Variants in GLYR1 observed in about 807,000 individuals in gnomAD.
GLYR1 encodes cytokine-like nuclear factor N-PAC.
A neutral mutation model predicts 72.7 loss-of-function variants in GLYR1; 21 were observed. The observed-to-expected ratio is 0.29, with a 90% CI of 0.20 to 0.42. The LOEUF is 0.42. Among genes scored for constraint, GLYR1 ranks in the 10% least tolerant of loss-of-function variants. The pLI, the probability that GLYR1 is intolerant of heterozygous loss-of-function variation, is 1.00. For synonymous variants in GLYR1, 392 were observed against 270.2 expected (o/e 1.45, Z -4.42); for missense variants, 594 against 712.1 (o/e 0.83, Z 1.89).
chr16:4,817,735 G>T, intron 9 of GLYR1, 38 bp from the exon 10 acceptor site: 1 of 1,272,592 alleles, frequency 7.9e-7, no homozygotes, highest in Non-Finnish European at 1.2e-6. Flanking sequence ...AGGGTGGAAA[G>T]GGAGGGTCAC....
At chr16:4,831,861 C>T in intron 5 of GLYR1, 118 bp downstream of exon 5, 1 of 1,407,570 alleles carries the variant, frequency 7.1e-7, no homozygotes, top group Non-Finnish European at 9.5e-7. Flanking sequence ...CAGAATTCTG[C>T]TCCCACTCCA....
chr16:4,805,408 G>T lies in GLYR1; in HGVS notation c.1588-98C>A, dbSNP rs1596290831. ...CAGTGGTGGATGTGGCCAGCAGGCA[G>T]TGCTGGAGCCCAGGCTGTCCGGTTA... On this transcript the variant is annotated intron_variant, in intron 15 of 15. Coordinates refer to ENST00000321919, the MANE Select transcript of GLYR1 (RefSeq NM_032569.4). 7 of 989,358 alleles carry T rather than the reference G, an allele frequency of 7.1e-6. No individual in the cohort carries two copies. The East Asian group carries it at 1.5e-4, about 21-fold the overall frequency. 61.3% of individuals were successfully genotyped at this position (989,358 alleles called of 1,614,324 possible).
chr16:4,846,200 C>T lies in GLYR1; in HGVS notation c.49G>A (p.Gly17Ser). The T allele has an allele frequency of 1.2e-6, 2 of 1,613,904 alleles. No homozygotes were observed. Among genetic ancestry groups the T allele is most frequent in the Non-Finnish European group, 1.7e-6 (2 of 1,179,882 alleles). ...TTTCCTGGCCAAGGAGGATATCGGC[C>T]GAGTTTCCCCCTAGAGAAAACACAA... The part of the protein sequence containing the change: ...RLGDLVWGKL[G>S]RYPPWPGKIV... The change falls in exon 2 of 16, where the codon GGC (glycine) becomes AGC (serine). Residue 17 changes from glycine to serine, a missense_variant. Physicochemically the swap from Gly to Ser is moderately conservative, Grantham distance 56 (BLOSUM62 0). This residue lies in a region of GLYR1 where 62 missense variants were observed against 82.5 expected (regional missense o/e 0.75). Coordinates refer to ENST00000321919, the MANE Select transcript of GLYR1 (RefSeq NM_032569.4).
At chr16:4,845,290 A>G in intron 2 of GLYR1, 137 bp from the exon 3 acceptor site, 1 of 626,332 alleles carries the variant, frequency 1.6e-6, no homozygotes, top group South Asian at 1.9e-5. Flanking sequence ...AAATTTATTT[A>G]TATACAAAAC....
At chr16:4,832,619 A>G in intron 4 of GLYR1, 155 bp downstream of exon 4, 1 of 932,986 alleles carries the variant, frequency 1.1e-6, no homozygotes, top group Non-Finnish European at 1.6e-6. Context: ...TTTCAAACTG[A>G]TAAGCAAAAC....
At position 4,832,273 on chromosome 16, in the gene GLYR1, T is replaced by C. The variant is rs1018447936; in HGVS notation, c.295-52A>G. On this transcript the variant is annotated intron_variant, in intron 4 of 15. Transcript: ENST00000321919. Reference sequence around the variant, plus strand: ...ACTACCACCACAGCTGCTGCCGCCATCGCCACCATCATTTACAGGTGCCAT... The same window carrying C: ...ACTACCACCACAGCTGCTGCCGCCACCGCCACCATCATTTACAGGTGCCAT... The C allele has an allele frequency of 2.5e-6, 4 of 1,600,012 alleles. No homozygotes were observed. In the African/African-American group the frequency reaches 5.4e-5, roughly 21 times the overall value.
At chr16:4,820,008 AT>A (rs781191692) in intron 9 of GLYR1, among the ~76,000 whole-genome samples, 128 of 152,012 alleles carry the variant, frequency 8.4e-4, no homozygotes, top group Non-Finnish European at 1.6e-3. Flanking sequence ...AAGCTTCTGG[AT>A]TTTTTTGAGA....
At chr16:4,807,588 T>G (rs955201465) in intron 15 of GLYR1, among the ~76,000 whole-genome samples, 3 of 152,286 alleles carry the variant, frequency 2.0e-5, no homozygotes, top group South Asian at 2.1e-4. Flanking sequence ...CCTAACAGTA[T>G]AGAGTCTAAG....
intron 2 of GLYR1, 146 bp downstream of exon 2, chr16:4,846,028 A>G: frequency 6.3e-6 from 5 of 793,500 alleles, no homozygotes; most frequent in Non-Finnish European, 1.1e-5. Context: ...TTAAAAAATA[A>G]CCGATACTAG....
chr16:4,840,568 G>T (rs545401860), intron 3 of GLYR1, among the ~76,000 whole-genome samples: 1 of 152,146 alleles, frequency 6.6e-6, no homozygotes, highest in South Asian at 2.1e-4. Context: ...CTCCCATAGG[G>T]AGAGTCTCCA....
rs535328328 is a variant in GLYR1 at position 4,847,086 on chromosome 16, C to A, written c.38+142G>T. 8.9e-6 allele frequency: 7 copies of A among 785,848 alleles called. No homozygotes were observed. In the African/African-American group the frequency reaches 1.2e-4, roughly 14 times the overall value. The allele number at this position is 785,848 out of a possible 1,614,324, so 48.7% of individuals were successfully genotyped here. ...GGACTGCCCCTTCCGCCTGGCGCCG[C>A]TCGCAAGCGCCGGCACCTTCTCTTC... On this transcript the variant is annotated intron_variant, in intron 1 of 15. Coordinates refer to ENST00000321919, the MANE Select transcript of GLYR1 (RefSeq NM_032569.4).
intron 3 of GLYR1, among the ~76,000 whole-genome samples, chr16:4,841,790 CCT>C (rs1170726231): frequency 4.6e-5 from 7 of 152,180 alleles, no homozygotes; most frequent in African/African-American, 1.4e-4. Context: ...AACCATATTG[CCT>C]CTGTTATTCC....
intron 3 of GLYR1, among the ~76,000 whole-genome samples, chr16:4,834,860 C>T (rs1360781110): frequency 2.0e-5 from 3 of 152,152 alleles, no homozygotes; most frequent in Non-Finnish European, 4.4e-5. Context: ...ATTTCGACCC[C>T]AGATTTTCTG....
chr16:4,818,920 A>G (rs1057175925), intron 9 of GLYR1, among the ~76,000 whole-genome samples: 4 of 151,732 alleles, frequency 2.6e-5, no homozygotes, highest in African/African-American at 9.7e-5. Context: ...TGACAGAAGC[A>G]CTCATTGGCC....
chr16:4,845,506 G>A (rs890514662), intron 2 of GLYR1, among the ~76,000 whole-genome samples: 2 of 148,192 alleles, frequency 1.3e-5, no homozygotes, highest in African/African-American at 5.0e-5. Flanking sequence ...CCCCACCCCT[G>A]CTCCAATGTG....
chr16:4,842,183 G>A (rs965749565), intron 3 of GLYR1, among the ~76,000 whole-genome samples: 2 of 151,372 alleles, frequency 1.3e-5, no homozygotes, highest in African/African-American at 4.9e-5. Flanking sequence ...GGTGGAGCTT[G>A]TAGTGAGCCA....
chr16:4,827,097 C>A (rs2084429058), intron 5 of GLYR1, among the ~76,000 whole-genome samples: 1 of 152,238 alleles, frequency 6.6e-6, no homozygotes, highest in Non-Finnish European at 1.5e-5. Context: ...GGTCCAGACG[C>A]AAACCCAGCC....
At chr16:4,844,427 T>C (rs2085808525) in intron 3 of GLYR1, among the ~76,000 whole-genome samples, 2 of 152,240 alleles carry the variant, frequency 1.3e-5, no homozygotes, top group South Asian at 2.1e-4. Context: ...ACCCCAAGCA[T>C]GAACCATAAT....
At chr16:4,810,454 G>C (rs918177851) in intron 15 of GLYR1, among the ~76,000 whole-genome samples, 2 of 151,710 alleles carry the variant, frequency 1.3e-5, no homozygotes, top group Non-Finnish European at 2.9e-5. Flanking sequence ...AGGCTGCAGT[G>C]AGCTGAGATC....
Sources: gnomAD v4.1 joint callset for allele counts (sites outside exome capture counted in the v4.1 genomes callset) on GRCh38, gnomAD v4.1.1 for gene constraint, gnomAD v4.1.1 regional missense constraint, MANE v1.5 for transcripts, NCBI Gene and HGNC (gene_info 2026-07-23, HGNC 2026-07-21) for gene names.